DOT1L: variants seen among roughly 807,000 people sequenced by gnomAD.
DOT1L encodes histone-lysine N-methyltransferase, H3 lysine-79 specific.
A neutral mutation model predicts 153.3 loss-of-function variants in DOT1L; 33 were observed. That is an observed-to-expected ratio of 0.22 (90% confidence interval 0.16 to 0.29). The LOEUF is 0.29. Among genes scored for constraint, DOT1L ranks in the 10% least tolerant of loss-of-function variants. DOT1L has a pLI of 1.00. For synonymous variants in DOT1L, 1,135 were observed against 965.1 expected (o/e 1.18, Z -3.26); for missense variants, 1,847 against 2,119.9 (o/e 0.87, Z 2.53).
chr19:2,178,945 T>G (rs1233616673), intron 1 of DOT1L, among the ~76,000 whole-genome samples: 1 of 152,188 alleles, frequency 6.6e-6, no homozygotes, highest in African/African-American at 2.4e-5. Context: ...CACAGTACCC[T>G]GATCCGAACC....
At position 2,211,797 on chromosome 19, in the gene DOT1L, C is replaced by T. The variant is rs1182985551; in HGVS notation, c.1512C>T (p.Thr504=). The change falls in exon 16 of 28, where the codon ACC becomes ACT. Residue 504 remains threonine, a synonymous_variant. Coordinates refer to ENST00000398665, the MANE Select transcript of DOT1L (RefSeq NM_032482.3). ...QYLQFLAYTK[T]PQYKASLQEL... ...TGCAGTTCCTGGCATACACAAAGAC[C>T]CCCCAGTACAAGGCCAGCCTGCAGG... 1 of 1,574,948 alleles carries T rather than the reference C, an allele frequency of 6.3e-7. No homozygotes were observed. The highest frequency in any genetic ancestry group is 1.8e-5 in the Admixed American group (1 of 54,062).
chr19:2,232,494 C>CG lies in DOT1L; in HGVS notation c.*2702_*2703insG, dbSNP rs1429871211. 4.5e-6 allele frequency: 1 copy of CG among 222,032 alleles called. No individual in the cohort carries two copies. Among genetic ancestry groups the CG allele is most frequent in the East Asian group, 6.5e-5 (1 of 15,352 alleles). 13.8% of individuals were successfully genotyped at this position (222,032 alleles called of 1,614,324 possible). On this transcript the variant is annotated 3_prime_UTR_variant, in exon 28 of 28. Transcript: ENST00000398665. The stretch of plus-strand genomic sequence containing the variant: ...CGCATTGTCACGGTCCGCCCCTGGG[C>CG]TGCAGGCGCCCCTTCCTCTGGGCAC...
chr19:2,181,315 A>ACGGAGGCCACATGGAC (rs2022220247), intron 2 of DOT1L, among the ~76,000 whole-genome samples: 1 of 152,156 alleles, frequency 6.6e-6, no homozygotes, highest in Admixed American at 6.5e-5. Context: ...TGGCACCTGC[A>ACGGAGGCCACATGGAC]CGGAGGCCAC....
chr19:2,188,773 A>G (rs2022662216), intron 3 of DOT1L, among the ~76,000 whole-genome samples: 1 of 152,158 alleles, frequency 6.6e-6, no homozygotes, highest in South Asian at 2.1e-4. Flanking sequence ...GGTCCAACAG[A>G]CTTGGAAGAT....
intron 9 of DOT1L, among the ~76,000 whole-genome samples, chr19:2,203,059 C>T (rs898838307): frequency 6.6e-6 from 1 of 152,102 alleles, no homozygotes; most frequent in Non-Finnish European, 1.5e-5. Context: ...GTAGCTGGGA[C>T]TACGGGTCTG....
chr19:2,204,496 G>A lies in DOT1L; in HGVS notation c.787+1717G>A, dbSNP rs369761917. ...TGCACCCTGCAGCTGCATGCAGGAA[G>A]GCAGCAGTGGCTTCAGGCAGCTCCT... On this transcript the variant is annotated intron_variant, in intron 9 of 27. Transcript: ENST00000398665. This position sits in a 1 kb window ranked among gnomAD's most constrained non-coding sequence, Gnocchi z 5.7. Among the ~76,000 whole-genome samples, 1 of 152,174 alleles carries A rather than the reference G, an allele frequency of 6.6e-6. No homozygotes were observed. The highest frequency in any genetic ancestry group is 1.5e-5 in the Non-Finnish European group (1 of 68,030).
At chr19:2,184,485 C>T (rs980625295) in intron 2 of DOT1L, among the ~76,000 whole-genome samples, 3 of 152,088 alleles carry the variant, frequency 2.0e-5, no homozygotes, top group African/African-American at 4.8e-5. Context: ...AAGCTACTCT[C>T]GGAGTTCTGG....
intron 7 of DOT1L, among the ~76,000 whole-genome samples, chr19:2,196,364 GT>G (rs996574712): frequency 2.0e-5 from 3 of 152,214 alleles, no homozygotes; most frequent in Admixed American, 2.0e-4. Flanking sequence ...AGAAAGTCTT[GT>G]TCTGTCGCCC....
chr19:2,226,731 C>T lies in DOT1L; in HGVS notation c.4210C>T (p.Pro1404Ser), dbSNP rs763784405. Residue 1404 changes from proline to serine, a missense_variant, in exon 27 of 28, where the codon CCA (proline) becomes TCA (serine). Transcript: ENST00000398665. Reference protein sequence around the residue: ...LPLCGPTDKTPLLSGKAAKAR... With the variant: ...LPLCGPTDKTSLLSGKAAKAR... ...GCTGTGCGGGCCCACGGACAAGACC[C>T]CACTGCTGAGCGGCAAGGCCGCCAA... 2.9e-5 allele frequency: 45 copies of T among 1,559,692 alleles called. No individual in the cohort carries two copies. Among genetic ancestry groups the T allele is most frequent in the Admixed American group, 1.9e-4 (10 of 53,300 alleles).
In DOT1L at chr19:2,163,942, G is replaced by A. The variant is rs2019808182; in HGVS notation, c.-243G>A. Among the ~76,000 whole-genome samples the A allele has an allele frequency of 6.7e-6, 1 of 149,680 alleles. No homozygotes were observed. Among genetic ancestry groups the A allele is most frequent in the South Asian group, 2.1e-4 (1 of 4,828 alleles). ...GCCCGGCCCCCGGCTCATTGTGCTC[G>A]CTTCACGCCGGCCCAAGATGGCGGA... is the stretch of plus-strand genomic sequence containing the variant. On this transcript the variant is annotated 5_prime_UTR_variant, in exon 1 of 28. Coordinates refer to ENST00000398665, the MANE Select transcript of DOT1L (RefSeq NM_032482.3).
chr19:2,189,820 G>C, intron 4 of DOT1L, 25 bp downstream of exon 4: 1 of 1,610,672 alleles, frequency 6.2e-7, no homozygotes, highest in Non-Finnish European at 8.5e-7. Context: ...CCTGCCCAGA[G>C]GGGGTTAGTA....
intron 1 of DOT1L, among the ~76,000 whole-genome samples, chr19:2,165,918 G>A (rs552000928): frequency 1.3e-5 from 2 of 151,816 alleles, no homozygotes; most frequent in African/African-American, 4.8e-5. Flanking sequence ...ATAGGCGCCC[G>A]CCACCACGCC....
At chr19:2,206,828 C>T (rs746714161) in intron 10 of DOT1L, 31 bp downstream of exon 10, 2 of 1,599,916 alleles carry the variant, frequency 1.3e-6, no homozygotes, top group South Asian at 2.2e-5. Context: ...TAATGATGAA[C>T]ACGGGTAATT....
Position 2,227,046 on chromosome 19 carries a change from C to G in DOT1L, c.4525C>G (p.His1509Asp). 6.3e-7 allele frequency: 1 copy of G among 1,577,176 alleles called. No individual in the cohort carries two copies. The highest frequency in any genetic ancestry group is 8.6e-7 in the Non-Finnish European group (1 of 1,167,504). ...TGTGCCGGCCGCCGCAGGCCTGGTG[C>G]ACGTGTCGTCCGCTGCCACCAGACT... ...SSVPAAAGLV[H>D]VSSAATRLTN... The change falls in exon 27 of 28, where the codon CAC (histidine) becomes GAC (aspartate). Residue 1509 changes from histidine to aspartate, a missense_variant. By Grantham distance (81) the His-to-Asp change is moderately conservative (BLOSUM62 -1). This residue lies in a region of DOT1L where 934 missense variants were observed against 825.3 expected (regional missense o/e 1.13). Coordinates refer to ENST00000398665, the MANE Select transcript of DOT1L (RefSeq NM_032482.3).
At position 2,220,149 on chromosome 19, in the gene DOT1L, G is replaced by A. The variant is rs1262829365; in HGVS notation, c.2733G>A (p.Ser911=). ...CCGTGCTGCAGCCCCGTGACCCCTC[G>A]TCCACACTTGAAAAGCAGATTGGTG... is the stretch of plus-strand genomic sequence containing the variant. ...PSPVLQPRDP[S]STLEKQIGAN... Residue 911 remains serine (S), a synonymous_variant, in exon 23 of 28, where the codon TCG becomes TCA. Coordinates refer to ENST00000398665, the MANE Select transcript of DOT1L (RefSeq NM_032482.3). The surrounding 1 kb of genome is among the most constrained non-coding windows in gnomAD (Gnocchi z 4.5). 3.7e-6 allele frequency: 6 copies of A among 1,613,224 alleles called. No individual in the cohort carries two copies. Among genetic ancestry groups the A allele is most frequent in the South Asian group, 2.2e-5 (2 of 91,068 alleles).
rs969109504 is a variant in DOT1L, at chr19:2,232,443, TC to T, written c.*2653del. On this transcript the variant is annotated 3_prime_UTR_variant, in exon 28 of 28. Transcript: ENST00000398665. ...TAACGTGGGAGGCTCTGCCGTGTCTTCCGGGTGAACTGTATTTGGATTGCGC... is the reference window on the plus strand; with the variant it reads ...TAACGTGGGAGGCTCTGCCGTGTCTTCGGGTGAACTGTATTTGGATTGCGC... 4.5e-5 allele frequency: 10 copies of T among 220,586 alleles called. No individual in the cohort carries two copies. The highest frequency in any genetic ancestry group is 7.3e-5 in the Non-Finnish European group (8 of 110,232). The allele number at this position is 220,586 out of a possible 1,614,324, so 13.7% of individuals were successfully genotyped here.
At chr19:2,228,281 G>T in intron 27 of DOT1L, 1 of 1,356,194 alleles carries the variant, frequency 7.4e-7, no homozygotes, top group Non-Finnish European at 9.8e-7. Flanking sequence ...GGCCGTCCGC[G>T]GTGTGGGTGT....
intron 27 of DOT1L, chr19:2,228,710 A>G: frequency 2.0e-6 from 2 of 985,372 alleles, no homozygotes; most frequent in Non-Finnish European, 2.4e-6. Flanking sequence ...TGGGAGCTCT[A>G]GCTCCTAGAG....
At chr19:2,202,856 T>C (rs2023344102) in intron 9 of DOT1L, 77 bp downstream of exon 9, 2 of 1,491,026 alleles carry the variant, frequency 1.3e-6, no homozygotes, top group East Asian at 2.3e-5. Context: ...CCGCAGGGTG[T>C]CCTGCAGAAG....
Sources: allele counts gnomAD v4.1 joint callset (sites outside exome capture counted in the v4.1 genomes callset), GRCh38; gene constraint gnomAD v4.1.1; regional missense constraint gnomAD v4.1.1; non-coding constraint Gnocchi (gnomAD v3.1); transcripts MANE v1.5; gene names NCBI Gene and HGNC (gene_info 2026-07-23, HGNC 2026-07-21).